The following OXSR1 variants were observed in gnomAD, a reference collection of about 807,000 sequenced individuals.
OXSR1 encodes the protein oxidative stress responsive kinase 1.
In OXSR1, 24 loss-of-function variants were observed where a neutral mutation model predicts 79.8. The ratio of observed to expected loss-of-function variants is 0.30; its 90% CI spans 0.22 to 0.42. The LOEUF (loss-of-function observed/expected upper bound fraction) is 0.42. Among genes scored for constraint, OXSR1 ranks in the 10% least tolerant of loss-of-function variants. The pLI is 1.00. For missense variants in OXSR1, 430 were observed against 618.4 expected (o/e 0.70, Z 3.23); for synonymous variants, 226 against 209.2 (o/e 1.08, Z -0.69).
At chr3:38,228,706 G>C (rs998657734) in intron 8 of OXSR1, among the ~76,000 whole-genome samples, 2 of 152,122 alleles carry the variant, frequency 1.3e-5, no homozygotes, top group African/African-American at 4.8e-5. Context: ...AAGTAGCTGG[G>C]ACTACAGGCG....
chr3:38,250,072 A>C (rs1464584310), intron 15 of OXSR1, 54 bp downstream of exon 15: 1 of 1,165,356 alleles, frequency 8.6e-7, no homozygotes, highest in Non-Finnish European at 1.3e-6. Flanking sequence ...TGATTCAATG[A>C]AATGTGTTGT....
intron 2 of OXSR1, among the ~76,000 whole-genome samples, chr3:38,184,597 A>C (rs1701845317): frequency 1.3e-5 from 2 of 152,218 alleles, no homozygotes; most frequent in South Asian, 4.1e-4. Flanking sequence ...ATAGAGTAAA[A>C]TGAATGAAAG....
In OXSR1 at chr3:38,170,297, C is replaced by T. The variant is rs145967893; in HGVS notation, c.70+4351C>T. Among the ~76,000 whole-genome samples, 482 of 152,172 alleles carry T rather than the reference C, an allele frequency of 3.2e-3. 4 individuals are homozygous for T. Among genetic ancestry groups the T allele is most frequent in the African/African-American group, 0.011 (458 of 41,516 alleles). On this transcript the variant is annotated intron_variant, in intron 1 of 17. Transcript: ENST00000311806. ...CTTACCTCAGATGATCTGCCTGCCT[C>T]GGCCTCCCAAAGTGTTGGGGTTACA...
intron 5 of OXSR1, among the ~76,000 whole-genome samples, chr3:38,217,762 A>C (rs566270942): frequency 6.6e-5 from 10 of 152,210 alleles, no homozygotes; most frequent in African/African-American, 2.4e-4. Flanking sequence ...GTACCCACTA[A>C]AAAATAATTC....
chr3:38,221,775 A>G, intron 6 of OXSR1, 88 bp downstream of exon 6: 1 of 724,968 alleles, frequency 1.4e-6, no homozygotes, highest in Non-Finnish European at 2.4e-6. Flanking sequence ...TCTTTGGCAT[A>G]CCAGGTTAGC....
chr3:38,209,863 C>T (rs1034475610), intron 4 of OXSR1, among the ~76,000 whole-genome samples: 2 of 152,076 alleles, frequency 1.3e-5, no homozygotes, highest in Non-Finnish European at 2.9e-5. Context: ...ACCTCGTGAT[C>T]CACCCGCCTC....
chr3:38,192,489 C>T (rs1267745481), intron 3 of OXSR1, among the ~76,000 whole-genome samples: 6 of 152,132 alleles, frequency 3.9e-5, no homozygotes. Context: ...AATTTGACAT[C>T]AATACAAGTT....
intron 10 of OXSR1, among the ~76,000 whole-genome samples, chr3:38,232,979 T>C (rs774201925): frequency 6.6e-6 from 1 of 152,106 alleles, no homozygotes; most frequent in African/African-American, 2.4e-5. Flanking sequence ...AGGGAATTAA[T>C]AGTGCCAGGT....
intron 1 of OXSR1, among the ~76,000 whole-genome samples, chr3:38,173,297 G>A (rs1701617898): frequency 6.6e-6 from 1 of 152,016 alleles, no homozygotes; most frequent in Admixed American, 6.6e-5. Flanking sequence ...AGTCAAATAG[G>A]GTATTGCAAG....
intron 4 of OXSR1, among the ~76,000 whole-genome samples, chr3:38,209,813 C>T (rs532155589): frequency 6.6e-5 from 10 of 151,936 alleles, no homozygotes; most frequent in South Asian, 6.2e-4. Context: ...TTGGTAGAGA[C>T]GGGGTTTCAC....
chr3:38,251,273 C>T (rs1703249741), intron 15 of OXSR1, 130 bp from the exon 16 acceptor site: 2 of 717,500 alleles, frequency 2.8e-6, no homozygotes, highest in Admixed American at 4.1e-5. Flanking sequence ...GCCCTGCCTG[C>T]CTTCTTGGTT....
chr3:38,170,954 T>G (rs1054626105), intron 1 of OXSR1, among the ~76,000 whole-genome samples: 1 of 152,118 alleles, frequency 6.6e-6, no homozygotes, highest in African/African-American at 2.4e-5. Flanking sequence ...TTGTTTTATT[T>G]TTTTGTAGAG....
upstream of OXSR1, among the ~76,000 whole-genome samples, chr3:38,164,470 C>G (rs1327418088): frequency 6.6e-6 from 1 of 152,182 alleles, no homozygotes; most frequent in Non-Finnish European, 1.5e-5. Context: ...TAAAGACTGC[C>G]GTTGGACTGA....
intron 5 of OXSR1, among the ~76,000 whole-genome samples, chr3:38,217,539 GTTTT>G (rs1007292410): frequency 1.3e-4 from 19 of 151,900 alleles, no homozygotes; most frequent in South Asian, 2.1e-4. Context: ...TTGTTTGTTT[GTTTT>G]TTTTGAGACA....
At chr3:38,237,161 G>A (rs1702935917) in intron 11 of OXSR1, among the ~76,000 whole-genome samples, 200 bp downstream of exon 11, 1 of 151,622 alleles carries the variant, frequency 6.6e-6, no homozygotes, top group Admixed American at 6.6e-5. Flanking sequence ...ATATAAAAAT[G>A]ACCCAAATCT....
intron 2 of OXSR1, among the ~76,000 whole-genome samples, chr3:38,187,997 A>G (rs1475164204): frequency 2.6e-5 from 4 of 152,186 alleles, no homozygotes; most frequent in Non-Finnish European, 5.9e-5. Context: ...TTTTGAAAGG[A>G]GGAAAGGATA....
At chr3:38,209,166 A>G (rs1455589863) in intron 4 of OXSR1, among the ~76,000 whole-genome samples, 1 of 151,954 alleles carries the variant, frequency 6.6e-6, no homozygotes, top group Non-Finnish European at 1.5e-5. Flanking sequence ...TTAGGGTTAA[A>G]TAGTTGATTT....
At chr3:38,208,149 A>C (rs748858667) in intron 4 of OXSR1, among the ~76,000 whole-genome samples, 238 of 151,934 alleles carry the variant, frequency 1.6e-3, no homozygotes, top group Non-Finnish European at 1.6e-3. Context: ...TTTTCAGTAC[A>C]TTTTTTCTAC....
intron 11 of OXSR1, 59 bp from the exon 12 acceptor site, chr3:38,242,684 A>G: frequency 1.0e-6 from 1 of 976,798 alleles, no homozygotes; most frequent in Non-Finnish European, 1.6e-6. Flanking sequence ...GCAGTTTGGG[A>G]CTGACTACAA....
Sources: allele counts gnomAD v4.1 joint callset (sites outside exome capture counted in the v4.1 genomes callset), GRCh38; gene constraint gnomAD v4.1.1; transcripts MANE v1.5; gene names NCBI Gene and HGNC (gene_info 2026-07-23, HGNC 2026-07-21).